SGCZ: variants seen among roughly 807,000 people sequenced by gnomAD.
SGCZ encodes the protein sarcoglycan zeta, also known as zeta-sarcoglycan.
In SGCZ, 40 loss-of-function variants were observed where a neutral mutation model predicts 41.3. The observed-to-expected ratio is 0.97, with a 90% CI of 0.75 to 1.26. The LOEUF (loss-of-function observed/expected upper bound fraction) is 1.26. Among genes scored for constraint, SGCZ ranks in the 50% most tolerant of loss-of-function variants. The pLI is 0.00. For missense variants in SGCZ, 552 were observed against 369.8 expected, an observed-to-expected ratio of 1.49 and a Z score of -4.04; for synonymous variants, 206 against 137.5, an observed-to-expected ratio of 1.50 and a Z score of -3.49.
chr8:15,227,865 C>G (rs1198659330), intron 1 of SGCZ, among the ~76,000 whole-genome samples: 2 of 152,276 alleles, frequency 1.3e-5, no homozygotes, highest in East Asian at 1.9e-4. Flanking sequence ...AAATTACACT[C>G]TGAGCATGTT....
chr8:15,144,128 G>A (rs1425833100), intron 1 of SGCZ, among the ~76,000 whole-genome samples: 1 of 152,130 alleles, frequency 6.6e-6, no homozygotes, highest in Non-Finnish European at 1.5e-5. Flanking sequence ...TGCTTTCTGG[G>A]TGAGAGGAAA....
At chr8:14,618,362 A>G (rs1254191317) in intron 1 of SGCZ, among the ~76,000 whole-genome samples, 1 of 152,166 alleles carries the variant, frequency 6.6e-6, no homozygotes, top group Non-Finnish European at 1.5e-5. Context: ...GAAAGAACGG[A>G]ATTAGAACTG....
chr8:14,702,731 T>TGATA (rs35625599), intron 1 of SGCZ, among the ~76,000 whole-genome samples: 11,068 of 90,988 alleles, frequency 0.12, 511 homozygotes, highest in Middle Eastern at 0.15. Flanking sequence ...CTGGCTTCAA[T>TGATA]GATAGATAGA....
chr8:14,206,968 C>T (rs1805636648), intron 4 of SGCZ, among the ~76,000 whole-genome samples: 1 of 152,112 alleles, frequency 6.6e-6, no homozygotes, highest in African/African-American at 2.4e-5. Context: ...GTCACTTAGC[C>T]ATGGACCCCT....
Position 15,097,216 on chromosome 8 carries a change from G to A in SGCZ, c.39+140369C>T, listed in dbSNP as rs144939425. On this transcript the variant is annotated intron_variant, in intron 1 of 7. Coordinates refer to ENST00000382080, the MANE Select transcript of SGCZ (RefSeq NM_139167.4). Reference sequence around the variant, plus strand: ...CCGACAGTTTCACCAACTTCATAACGTGTATAAATAATTACTCTAATGCAC... The same window carrying A: ...CCGACAGTTTCACCAACTTCATAACATGTATAAATAATTACTCTAATGCAC... Among the ~76,000 whole-genome samples the A allele has an allele frequency of 2.2e-3, 332 of 152,156 alleles. 2 individuals carry two copies. The highest frequency in any genetic ancestry group is 7.3e-3 in the African/African-American group (304 of 41,502).
intron 1 of SGCZ, among the ~76,000 whole-genome samples, chr8:14,973,055 ATTTGCATACTC>A (rs1801352797): frequency 6.6e-6 from 1 of 152,100 alleles, no homozygotes; most frequent in Non-Finnish European, 1.5e-5. Context: ...TGTGCTGGAT[ATTTGCATACTC>A]TTAACATTCT....
At chr8:14,363,008 G>A (rs891692391) in intron 2 of SGCZ, among the ~76,000 whole-genome samples, 2 of 151,996 alleles carry the variant, frequency 1.3e-5, no homozygotes, top group African/African-American at 4.8e-5. Flanking sequence ...TTCTTACGTT[G>A]CTCAATATGT....
rs140967631 is a variant in SGCZ, at chr8:14,247,735, A to G, written c.337-10056T>C. Among the ~76,000 whole-genome samples, 691 of 152,198 alleles carry G rather than the reference A, an allele frequency of 4.5e-3. 6 individuals carry two copies. The highest frequency in any genetic ancestry group is 0.019 in the South Asian group (94 of 4,822). On this transcript the variant is annotated intron_variant, in intron 3 of 7. Transcript: ENST00000382080. ...TGCCTCTTCAGTTGTTCTTGAGGGT[A>G]ATGTTGCCCTCACACCAGCCCCAGG...
Position 14,928,187 on chromosome 8 carries a change from A to C in SGCZ, c.39+309398T>G, listed in dbSNP as rs572649418. ...TCAGATTATCTCTGAGTAATAAGGA[A>C]ATTAATGTCAATGACATCATTCAAG... On this transcript the variant is annotated intron_variant, in intron 1 of 7. Coordinates refer to ENST00000382080, the MANE Select transcript of SGCZ (RefSeq NM_139167.4). 2.6e-5 allele frequency among the ~76,000 whole-genome samples: 4 copies of C among 152,306 alleles called. No homozygotes were observed. The South Asian group carries it at 6.2e-4, about 24-fold the overall frequency.
At chr8:14,329,459 A>G (rs1197527041) in intron 2 of SGCZ, among the ~76,000 whole-genome samples, 1 of 152,202 alleles carries the variant, frequency 6.6e-6, no homozygotes, top group Admixed American at 6.5e-5. Context: ...AAAAATATCA[A>G]CTTCTCTTAT....
At chr8:14,817,940 T>C (rs144903061) in intron 1 of SGCZ, among the ~76,000 whole-genome samples, 63 of 152,256 alleles carry the variant, frequency 4.1e-4, no homozygotes, top group African/African-American at 1.5e-3. Context: ...AGTGGACCTG[T>C]CCACTTTAAT....
chr8:15,128,797 T>G (rs768183577), intron 1 of SGCZ, among the ~76,000 whole-genome samples: 3 of 152,180 alleles, frequency 2.0e-5, no homozygotes, highest in Non-Finnish European at 2.9e-5. Flanking sequence ...AAATGACAAA[T>G]TGATCAATCA....
Position 15,089,625 on chromosome 8 carries a change from G to A in SGCZ, c.39+147960C>T, listed in dbSNP as rs933386517. On this transcript the variant is annotated intron_variant, in intron 1 of 7. Coordinates refer to ENST00000382080, the MANE Select transcript of SGCZ (RefSeq NM_139167.4). The stretch of plus-strand genomic sequence containing the variant: ...TAGCTCCAAGCCATTCACAAACTTG[G>A]TACTTTTTACCTGCTTGGCCTTCAG... Among the ~76,000 whole-genome samples the A allele has an allele frequency of 2.6e-5, 4 of 152,068 alleles. No individual in the cohort carries two copies. The South Asian group carries it at 6.2e-4, about 24-fold the overall frequency.
intron 3 of SGCZ, among the ~76,000 whole-genome samples, chr8:14,315,728 A>G (rs1046032532): frequency 4.6e-5 from 7 of 152,036 alleles, no homozygotes; most frequent in African/African-American, 1.7e-4. Flanking sequence ...CAAGCATTCA[A>G]TTCAATAAAT....
At chr8:14,422,847 T>C (rs968546127) in intron 2 of SGCZ, among the ~76,000 whole-genome samples, 1 of 152,118 alleles carries the variant, frequency 6.6e-6, no homozygotes, top group African/African-American at 2.4e-5. Context: ...GGCAAAATAA[T>C]GAGACCTCGT....
intron 1 of SGCZ, among the ~76,000 whole-genome samples, chr8:15,037,307 T>C (rs1333890850): frequency 2.0e-5 from 3 of 152,170 alleles, no homozygotes; most frequent in African/African-American, 7.2e-5. Context: ...TTCCCCACCT[T>C]GTTTGGCATT....
intron 1 of SGCZ, among the ~76,000 whole-genome samples, chr8:14,599,646 G>C (rs1256312814): frequency 6.6e-6 from 1 of 152,164 alleles, no homozygotes; most frequent in Non-Finnish European, 1.5e-5. Context: ...TAAATCTGAA[G>C]ACGCATATTC....
intron 1 of SGCZ, among the ~76,000 whole-genome samples, chr8:14,585,009 A>T (rs1805013274): frequency 6.6e-6 from 1 of 152,186 alleles, no homozygotes. Flanking sequence ...GGGCTACAAG[A>T]AATAGAAAAA....
At chr8:14,792,393 G>C (rs1009856347) in intron 1 of SGCZ, among the ~76,000 whole-genome samples, 11 of 152,126 alleles carry the variant, frequency 7.2e-5, no homozygotes, top group Admixed American at 3.9e-4. Context: ...AAAGAACTGG[G>C]TGTATTAAGT....
Sources: allele counts gnomAD v4.1 joint callset (sites outside exome capture counted in the v4.1 genomes callset), GRCh38; gene constraint gnomAD v4.1.1; transcripts MANE v1.5; gene names NCBI Gene and HGNC (gene_info 2026-07-23, HGNC 2026-07-21).